Variants in KHDRBS2 observed in about 807,000 individuals in gnomAD.
The protein encoded by KHDRBS2 is KH RNA binding domain containing, signal transduction associated 2, also known as KH domain-containing, RNA-binding, signal transduction-associated protein 2.
A neutral mutation model predicts 44.3 loss-of-function variants in KHDRBS2; 26 were observed. The ratio of observed to expected loss-of-function variants is 0.59; its 90% confidence interval spans 0.43 to 0.81. The LOEUF is 0.81. KHDRBS2 is among the 40% of genes least tolerant of loss of function. The pLI is 0.00. For missense variants in KHDRBS2, 476 were observed against 433.1 expected (o/e 1.10, Z -0.88); for synonymous variants, 194 against 151.1 (o/e 1.28, Z -2.08).
intron 7 of KHDRBS2, among the ~76,000 whole-genome samples, chr6:61,705,677 A>T (rs981236385): frequency 6.6e-6 from 1 of 151,818 alleles, no homozygotes; most frequent in Non-Finnish European, 1.5e-5. Flanking sequence ...TAGGAATATT[A>T]GATGAGCTGT....
the KHDRBS2 span, among the ~76,000 whole-genome samples, chr6:61,548,714 C>T: frequency 1.0e-3 from 157 of 151,998 alleles, no homozygotes; most frequent in African/African-American, 3.5e-3. Flanking sequence ...AAACAGAAAA[C>T]AGACGGACTC....
At chr6:61,828,167 C>A (rs1031418675) in intron 6 of KHDRBS2, among the ~76,000 whole-genome samples, 4 of 152,156 alleles carry the variant, frequency 2.6e-5, no homozygotes, top group Non-Finnish European at 5.9e-5. Context: ...CCTTTATATT[C>A]TTAACAGATA....
intron 1 of KHDRBS2, among the ~76,000 whole-genome samples, chr6:62,266,190 A>G (rs1444359617): frequency 6.6e-6 from 1 of 152,048 alleles, no homozygotes; most frequent in Non-Finnish European, 1.5e-5. Context: ...GGATTAAAAT[A>G]ATCTTACATT....
chr6:61,556,350 T>TA, the KHDRBS2 span, among the ~76,000 whole-genome samples: 1 of 152,208 alleles, frequency 6.6e-6, no homozygotes, highest in Non-Finnish European at 1.5e-5. Context: ...CACATTTTTT[T>TA]AATCACTCTG....
the KHDRBS2 span, among the ~76,000 whole-genome samples, chr6:61,657,836 G>T: frequency 2.0e-5 from 3 of 151,826 alleles, no homozygotes; most frequent in Non-Finnish European, 2.9e-5. Context: ...TTCTTGGAAA[G>T]AAAAAACCTA....
At chr6:62,252,508 T>C (rs1428660475) in intron 1 of KHDRBS2, among the ~76,000 whole-genome samples, 2 of 151,984 alleles carry the variant, frequency 1.3e-5, no homozygotes, top group Non-Finnish European at 2.9e-5. Context: ...TTCTATCATT[T>C]CCAACCAAAC....
intron 4 of KHDRBS2, among the ~76,000 whole-genome samples, chr6:61,931,193 A>G (rs1255908918): frequency 1.3e-5 from 2 of 152,096 alleles, no homozygotes; most frequent in African/African-American, 4.8e-5. Flanking sequence ...GAAAATCACT[A>G]TAAGAAAATA....
Position 62,071,545 on chromosome 6 carries a change from A to T in KHDRBS2, c.220-23551T>A, listed in dbSNP as rs181536705. Among the ~76,000 whole-genome samples, 465 of 152,314 alleles carry T rather than the reference A, an allele frequency of 3.1e-3. 1 individual carries two copies. Among genetic ancestry groups the T allele is most frequent in the Non-Finnish European group, 4.9e-3 (332 of 68,024 alleles). On this transcript the variant is annotated intron_variant, in intron 2 of 8. Transcript: ENST00000281156. ...ACTTGTAAGGAAGAGATCCAGTTTC[A>T]GCTTTCCACATATGGCTAGCCAGTA...
chr6:62,055,518 T>C (rs1269582567), intron 2 of KHDRBS2, among the ~76,000 whole-genome samples: 1 of 152,004 alleles, frequency 6.6e-6, no homozygotes, highest in Non-Finnish European at 1.5e-5. Context: ...GGCAGTGTCT[T>C]GTCAATCTGT....
At chr6:62,282,473 T>C (rs1226728476) in intron 1 of KHDRBS2, among the ~76,000 whole-genome samples, 3 of 152,104 alleles carry the variant, frequency 2.0e-5, no homozygotes, top group Non-Finnish European at 4.4e-5. Context: ...CTCTCTTAAT[T>C]GGACAAAAAT....
the KHDRBS2 span, among the ~76,000 whole-genome samples, chr6:61,548,533 A>C: frequency 2.0e-5 from 3 of 152,264 alleles, no homozygotes; most frequent in Admixed American, 2.0e-4. Context: ...GCAAACTATT[A>C]ATCTTTAAAG....
At chr6:61,550,056 T>C in the KHDRBS2 span, among the ~76,000 whole-genome samples, 1 of 152,164 alleles carries the variant, frequency 6.6e-6, no homozygotes. Context: ...TTCTTTTGAA[T>C]TTTTATTTTA....
chr6:62,177,415 CTCAAA>C, intron 1 of KHDRBS2, 103 bp from the exon 2 acceptor site: 2 of 882,658 alleles, frequency 2.3e-6, no homozygotes, highest in Admixed American at 2.9e-5. Flanking sequence ...TACTCCTCTT[CTCAAA>C]TAAGATTTTG....
At chr6:61,856,657 T>C (rs999208649) in intron 6 of KHDRBS2, among the ~76,000 whole-genome samples, 10 of 152,098 alleles carry the variant, frequency 6.6e-5, no homozygotes, top group Middle Eastern at 6.8e-3. Context: ...ATTTAGAAAG[T>C]AGATGTAGAA....
At chr6:61,591,873 A>T in the KHDRBS2 span, among the ~76,000 whole-genome samples, 1 of 152,276 alleles carries the variant, frequency 6.6e-6, no homozygotes, top group Non-Finnish European at 1.5e-5. Context: ...CTGAAAATCA[A>T]TTGACAAAGA....
intron 7 of KHDRBS2, among the ~76,000 whole-genome samples, chr6:61,714,524 T>A (rs1771060989): frequency 6.6e-6 from 1 of 151,878 alleles, no homozygotes; most frequent in Admixed American, 6.6e-5. Context: ...TTTGATACAG[T>A]GGTCCCACTA....
chr6:62,131,684 G>C (rs1383893053), intron 2 of KHDRBS2, among the ~76,000 whole-genome samples: 1 of 152,136 alleles, frequency 6.6e-6, no homozygotes, highest in African/African-American at 2.4e-5. Flanking sequence ...GTCCTAATTG[G>C]CTGAACCCAA....
At chr6:62,105,586 T>A (rs1186852344) in intron 2 of KHDRBS2, among the ~76,000 whole-genome samples, 2 of 152,200 alleles carry the variant, frequency 1.3e-5, no homozygotes, top group Non-Finnish European at 2.9e-5. Flanking sequence ...TAGTATTCTG[T>A]GATGGTAGTT....
intron 1 of KHDRBS2, among the ~76,000 whole-genome samples, chr6:62,220,311 G>A (rs779578303): frequency 3.4e-4 from 51 of 151,808 alleles, no homozygotes; most frequent in Non-Finnish European, 5.6e-4. Flanking sequence ...TCTCAGATGA[G>A]AGTGCATAGA....
Sources: allele counts gnomAD v4.1 joint callset (sites outside exome capture counted in the v4.1 genomes callset), GRCh38; gene constraint gnomAD v4.1.1; transcripts MANE v1.5; gene names NCBI Gene and HGNC (gene_info 2026-07-23, HGNC 2026-07-21).